The following HECW2 variants were observed in gnomAD, a reference collection of about 807,000 sequenced individuals.
HECW2 encodes the protein HECT, C2 and WW domain containing E3 ubiquitin protein ligase 2.
Under a neutral mutation model 175.2 loss-of-function variants are expected in HECW2, and 61 were observed. The ratio of observed to expected loss-of-function variants is 0.35; its 90% CI spans 0.28 to 0.43. The LOEUF is 0.43. Ranked by LOEUF, HECW2 falls within the 20% of genes least tolerant of loss-of-function variation. The probability of loss-of-function intolerance (pLI) is 1.00; values close to 1 mark genes in which losing one functional copy is unlikely to be tolerated. For missense variants in HECW2, 1,524 were observed against 2,000.5 expected, an observed-to-expected ratio of 0.76 and a Z score of 4.54; for synonymous variants, 671 against 731.0, an observed-to-expected ratio of 0.92 and a Z score of 1.32.
At chr2:196,493,476 T>C (rs1575603585) in intron 1 of HECW2, 2 of 152,364 alleles carry the variant, frequency 1.3e-5, no homozygotes, top group East Asian at 1.9e-4. Flanking sequence ...TTTTTAACTA[T>C]TGAGTCTGTC....
At chr2:196,280,150 T>A (rs1348887716) in intron 14 of HECW2, among the ~76,000 whole-genome samples, 1 of 152,156 alleles carries the variant, frequency 6.6e-6, no homozygotes, top group African/African-American at 2.4e-5. Flanking sequence ...GTTAATTAGG[T>A]CATCAAAGAT....
At chr2:196,258,106 A>C in intron 17 of HECW2, 200 bp from the exon 18 acceptor site, 3 of 542,366 alleles carry the variant, frequency 5.5e-6, no homozygotes, top group Non-Finnish European at 3.3e-6. Context: ...AAGCATCAAC[A>C]CCTCCCAGTT....
rs145786484 is a variant in HECW2 at position 196,390,484 on chromosome 2, C to T, written c.292+42648G>A. On this transcript the variant is annotated intron_variant, in intron 2 of 28. Transcript: ENST00000644978. Reference sequence around the variant, plus strand: ...ACCTCTGAAACTAAACAGCAAAAGTCGCTGCATGGAAAACTAAACACACTA... The same window carrying T: ...ACCTCTGAAACTAAACAGCAAAAGTTGCTGCATGGAAAACTAAACACACTA... Among the ~76,000 whole-genome samples, 423 of 152,284 alleles carry T rather than the reference C, an allele frequency of 2.8e-3. 1 individual carries two copies. The highest frequency in any genetic ancestry group is 0.015 in the South Asian group (72 of 4,830).
intron 19 of HECW2, among the ~76,000 whole-genome samples, chr2:196,252,178 AAATAAT>A (rs10666310): frequency 2.0e-4 from 26 of 133,244 alleles, no homozygotes; most frequent in South Asian, 7.8e-4. Flanking sequence ...CTCCGATTCA[AAATAAT>A]AATAATAATA....
intron 19 of HECW2, chr2:196,242,470 C>T (rs1688493219): frequency 4.6e-6 from 2 of 434,100 alleles, no homozygotes; most frequent in East Asian, 8.3e-5. Context: ...AGTATGTTCC[C>T]CTTTTCAGTC....
chr2:196,511,650 T>A (rs531023971), intron 1 of HECW2, among the ~76,000 whole-genome samples: 1 of 152,178 alleles, frequency 6.6e-6, no homozygotes, highest in Admixed American at 6.5e-5. Context: ...CAAAAAGTGC[T>A]ATGAGGAAAT....
At chr2:196,418,082 T>C (rs894848696) in intron 2 of HECW2, among the ~76,000 whole-genome samples, 3 of 152,162 alleles carry the variant, frequency 2.0e-5, no homozygotes, top group South Asian at 2.1e-4. Flanking sequence ...GCTATAAATA[T>C]AGTCCCCAAA....
intron 1 of HECW2, among the ~76,000 whole-genome samples, chr2:196,494,940 C>G (rs1687338036): frequency 2.6e-5 from 4 of 152,214 alleles, no homozygotes; most frequent in Admixed American, 2.6e-4. Context: ...TTGACCTACT[C>G]TGTTCCTCTG....
rs139400651 is a variant in HECW2 at position 196,463,316 on chromosome 2, A to T, written c.-35-29858T>A. Among the ~76,000 whole-genome samples the T allele has an allele frequency of 1.1e-4, 16 of 151,804 alleles. No individual in the cohort carries two copies. The East Asian group carries it at 3.1e-3, about 29-fold the overall frequency. The stretch of plus-strand genomic sequence containing the variant: ...ATACCACAGAGCTGCCTCAGTGCCT[A>T]GAATGTTTGGGAATGGACTGAAACA... On this transcript the variant is annotated intron_variant, in intron 1 of 28. Coordinates refer to ENST00000644978, the MANE Select transcript of HECW2 (RefSeq NM_001348768.2).
chr2:196,299,198 GA>G (rs1197424994), intron 13 of HECW2, among the ~76,000 whole-genome samples: 1 of 151,560 alleles, frequency 6.6e-6, no homozygotes, highest in Non-Finnish European at 1.5e-5. Flanking sequence ...TTCATAAGAG[GA>G]AGAAAAAAAT....
chr2:196,396,882 C>T (rs926366146), intron 2 of HECW2, among the ~76,000 whole-genome samples: 27 of 151,490 alleles, frequency 1.8e-4, no homozygotes, highest in African/African-American at 5.8e-4. Flanking sequence ...GAGGCCGAGG[C>T]GGACGGATCA....
intron 2 of HECW2, among the ~76,000 whole-genome samples, chr2:196,404,154 C>T (rs951435869): frequency 6.6e-6 from 1 of 152,176 alleles, no homozygotes; most frequent in Non-Finnish European, 1.5e-5. Context: ...GTAGTATCCA[C>T]ATAGGATACT....
At chr2:196,329,884 T>C (rs1046833357) in intron 4 of HECW2, among the ~76,000 whole-genome samples, 1 of 152,190 alleles carries the variant, frequency 6.6e-6, no homozygotes, top group Non-Finnish European at 1.5e-5. Flanking sequence ...AAATTTCCAA[T>C]AACTATGAAT....
At position 196,581,580 on chromosome 2, in the gene HECW2, C is replaced by T. The variant is rs115673213; in HGVS notation, c.-36+11928G>A. ...TAAAAATAATAAGTACTGAATTATA[C>T]ACCTTAACATTGTGAATTTTACGGT... is the stretch of plus-strand genomic sequence containing the variant. On this transcript the variant is annotated intron_variant, in intron 1 of 28. Transcript: ENST00000644978. 7.2e-3 allele frequency among the ~76,000 whole-genome samples: 1,101 copies of T among 152,122 alleles called. 22 individuals are homozygous for T. The highest frequency in any genetic ancestry group is 0.025 in the African/African-American group (1,056 of 41,510).
At chr2:196,256,359 C>T (rs1228838423) in intron 18 of HECW2, among the ~76,000 whole-genome samples, 1 of 152,148 alleles carries the variant, frequency 6.6e-6, no homozygotes, top group Non-Finnish European at 1.5e-5. Context: ...AAAATGCAGC[C>T]TTGCTCTTTA....
intron 2 of HECW2, among the ~76,000 whole-genome samples, chr2:196,374,312 TATAAAATAA>T (rs1357652727): frequency 6.6e-6 from 1 of 152,204 alleles, no homozygotes; most frequent in African/African-American, 2.4e-5. Context: ...TTAACTGGAT[TATAAAATAA>T]ATATGTATAC....
intron 1 of HECW2, among the ~76,000 whole-genome samples, chr2:196,460,880 C>A (rs1351740504): frequency 6.7e-6 from 1 of 149,338 alleles, no homozygotes; most frequent in Non-Finnish European, 1.5e-5. Flanking sequence ...CTACCTCGGA[C>A]TCCCAAAGTA....
intron 2 of HECW2, among the ~76,000 whole-genome samples, chr2:196,365,125 C>T (rs953490052): frequency 1.3e-5 from 2 of 152,146 alleles, no homozygotes; most frequent in Non-Finnish European, 2.9e-5. Flanking sequence ...TTTATGGATG[C>T]TGAATGGATT....
chr2:196,223,429 G>A (rs960651653), intron 23 of HECW2, among the ~76,000 whole-genome samples: 3 of 152,010 alleles, frequency 2.0e-5, no homozygotes, highest in East Asian at 1.9e-4. Context: ...AGCAAGAGAC[G>A]TAAAAAGGAA....
Sources: gnomAD v4.1 joint callset for allele counts (sites outside exome capture counted in the v4.1 genomes callset) on GRCh38, gnomAD v4.1.1 for gene constraint, MANE v1.5 for transcripts, NCBI Gene and HGNC (gene_info 2026-07-23, HGNC 2026-07-21) for gene names.